The following DOCK7 variants were observed in gnomAD, a reference collection of about 807,000 sequenced individuals.
DOCK7 encodes the protein dedicator of cytokinesis protein 7.
DOCK7 carries 138 observed loss-of-function variants against 271.0 expected under a neutral mutation model. The observed-to-expected ratio is 0.51, with a 90% CI of 0.44 to 0.59. The LOEUF (loss-of-function observed/expected upper bound fraction) is 0.59, where lower values mean the gene tolerates loss of function less well. Among genes scored for constraint, DOCK7 ranks in the 20% least tolerant of loss-of-function variants. DOCK7 has a pLI of 0.00. For missense variants in DOCK7, 2,066 were observed against 2,592.4 expected (o/e 0.80, Z 4.41); for synonymous variants, 823 against 876.1 (o/e 0.94, Z 1.07).
intron 25 of DOCK7, among the ~76,000 whole-genome samples, chr1:62,540,805 T>C (rs1370582497): frequency 1.3e-5 from 2 of 152,176 alleles, no homozygotes; most frequent in South Asian, 4.1e-4. Flanking sequence ...GACTATTTTG[T>C]ATTTTAGAAA....
At chr1:62,685,469 TTC>T (rs1302694344) in intron 1 of DOCK7, among the ~76,000 whole-genome samples, 29 of 152,144 alleles carry the variant, frequency 1.9e-4, no homozygotes, top group African/African-American at 6.8e-4. Context: ...CTCATAGCAG[TTC>T]TGTCTTTGGT....
chr1:62,496,388 G>A lies in DOCK7; in HGVS notation c.4874C>T (p.Thr1625Ile). Residue 1625 changes from threonine (T) to isoleucine (I), a missense_variant, in exon 38 of 50, where the codon ACA (threonine) becomes ATA (isoleucine). Thr to Ile is a moderately conservative substitution (Grantham distance 89). This residue lies in a region of DOCK7 where 652 missense variants were observed against 922.1 expected (regional missense o/e 0.71). Transcript: ENST00000635253. ...CAATTCCAGATCTTCTTCAGCATAT[G>A]TCAATATAGTCTTTAGAGAACGTCT... The part of the protein sequence containing the change: ...FLRRSLKTIL[T>I]YAEEDLELRE... 6.2e-7 allele frequency: 1 copy of A among 1,613,600 alleles called. No homozygotes were observed. The highest frequency in any genetic ancestry group is 8.5e-7 in the Non-Finnish European group (1 of 1,179,694).
chr1:62,492,553 G>A (rs1646497762), intron 41 of DOCK7, 151 bp downstream of exon 41: 1 of 853,828 alleles, frequency 1.2e-6, no homozygotes, highest in Non-Finnish European at 1.8e-6. Flanking sequence ...CTCTCAAAGT[G>A]CTGAGATTAC....
At chr1:62,686,564 A>G (rs1324860977) in intron 1 of DOCK7, among the ~76,000 whole-genome samples, 2 of 152,186 alleles carry the variant, frequency 1.3e-5, no homozygotes, top group African/African-American at 2.4e-5. Context: ...ATTTCCTGTC[A>G]TCATAACTCC....
intron 31 of DOCK7, among the ~76,000 whole-genome samples, chr1:62,515,546 A>G (rs1259679746): frequency 6.6e-6 from 1 of 152,240 alleles, no homozygotes. Flanking sequence ...ATATGCTGAC[A>G]TCTCTTATAT....
intron 14 of DOCK7, among the ~76,000 whole-genome samples, chr1:62,597,289 C>T (rs1428826692): frequency 6.6e-6 from 1 of 152,146 alleles, no homozygotes; most frequent in Non-Finnish European, 1.5e-5. Flanking sequence ...GTCACCATAG[C>T]ATTGAATGTG....
intron 13 of DOCK7, 88 bp downstream of exon 13, chr1:62,619,812 T>TG (rs1553186599): frequency 4.8e-6 from 3 of 621,746 alleles, no homozygotes; most frequent in Non-Finnish European, 7.7e-6. Context: ...GCCAGATAAA[T>TG]AAAAAAAAAA....
chr1:62,551,588 T>C (rs975151291), intron 22 of DOCK7, among the ~76,000 whole-genome samples: 1 of 152,068 alleles, frequency 6.6e-6, no homozygotes, highest in Non-Finnish European at 1.5e-5. Context: ...TAGCTATAAA[T>C]AAACTTTAGA....
rs538612922 is a variant in DOCK7, at chr1:62,688,376, G to C, written c.-112C>G. ...TCCCTCGCGGCCTCCGCCAGTCCGG[G>C]CTCCGGACCTGGGAGGCTGGGGCTG... On this transcript the variant is annotated 5_prime_UTR_variant, in exon 1 of 50. Transcript: ENST00000635253. 1 of 645,776 alleles carries C rather than the reference G, an allele frequency of 1.5e-6. No homozygotes were observed. Among genetic ancestry groups the C allele is most frequent in the East Asian group, 5.1e-5 (1 of 19,610 alleles). 40.0% of individuals were successfully genotyped at this position (645,776 alleles called of 1,614,324 possible).
intron 11 of DOCK7, among the ~76,000 whole-genome samples, chr1:62,630,826 AG>A (rs1392905815): frequency 6.6e-6 from 1 of 152,202 alleles, no homozygotes; most frequent in Non-Finnish European, 1.5e-5. Flanking sequence ...GCAAAAAAAA[AG>A]AAAAAAGAAA....
chr1:62,583,152 G>A lies in DOCK7; in HGVS notation c.1871+32C>T, dbSNP rs1347507342. On this transcript the variant is annotated intron_variant, in intron 16 of 49. Transcript: ENST00000635253. ...TGCTAACAATGCCACTGAGAAGTGA[G>A]TAACTTTGAAAGAAATATTTGAATT... 3.2e-6 allele frequency: 5 copies of A among 1,557,472 alleles called. No homozygotes were observed. In the East Asian group the frequency reaches 1.1e-4, roughly 35 times the overall value.
intron 14 of DOCK7, among the ~76,000 whole-genome samples, chr1:62,596,263 T>C (rs1649231969): frequency 6.6e-6 from 1 of 151,960 alleles, no homozygotes; most frequent in Admixed American, 6.6e-5. Context: ...CATGGGGAGG[T>C]TAAGTAACTT....
chr1:62,597,707 C>T (rs1649471973), intron 14 of DOCK7: 1 of 1,613,416 alleles, frequency 6.2e-7, no homozygotes, highest in Non-Finnish European at 8.5e-7. Context: ...AAATTTTAGC[C>T]AATGGCCTCC....
chr1:62,461,851 C>G (rs1050471178), intron 48 of DOCK7, among the ~76,000 whole-genome samples: 1 of 150,862 alleles, frequency 6.6e-6, no homozygotes, highest in Non-Finnish European at 1.5e-5. Flanking sequence ...GCGGGCGGAT[C>G]ACCTGAGGTC....
intron 16 of DOCK7, 35 bp downstream of exon 16, chr1:62,583,149 T>C (rs540976606): frequency 3.9e-6 from 6 of 1,538,162 alleles, no homozygotes; most frequent in Non-Finnish European, 5.4e-6. Flanking sequence ...CACTGAGAAG[T>C]GAGTAACTTT....
chr1:62,585,108 T>C (rs1175890497), intron 15 of DOCK7, among the ~76,000 whole-genome samples: 1 of 152,120 alleles, frequency 6.6e-6, no homozygotes, highest in Non-Finnish European at 1.5e-5. Flanking sequence ...GAAATGTGAA[T>C]TCCAAATCTC....
Position 62,618,785 on chromosome 1 carries a change from G to A in DOCK7, c.1603C>T (p.Pro535Ser), listed in dbSNP as rs767465304. 3 of 1,613,586 alleles carry A rather than the reference G, an allele frequency of 1.9e-6. No homozygotes were observed. Among genetic ancestry groups the A allele is most frequent in the Non-Finnish European group, 1.7e-6 (2 of 1,179,550 alleles). ...TPELLQVKLY[P>S]DSRVRPTREI... Reference sequence around the variant, plus strand: ...CTGGTAGGTCTAACTCTACTGTCAGGGTAAAGCTTCACTTGAAGCAGCTCC... The same window carrying A: ...CTGGTAGGTCTAACTCTACTGTCAGAGTAAAGCTTCACTTGAAGCAGCTCC... The change falls in exon 14 of 50, where the codon CCT (proline) becomes TCT (serine). Residue 535 changes from proline to serine, a missense_variant. Transcript: ENST00000635253.
chr1:62,500,523 G>T (rs1646750956), intron 37 of DOCK7, among the ~76,000 whole-genome samples: 1 of 152,062 alleles, frequency 6.6e-6, no homozygotes, highest in South Asian at 2.1e-4. Context: ...AAAATTTTCT[G>T]AAATAAATGA....
At chr1:62,533,791 C>T (rs975119575) in intron 29 of DOCK7, among the ~76,000 whole-genome samples, 1 of 152,188 alleles carries the variant, frequency 6.6e-6, no homozygotes, top group African/African-American at 2.4e-5. Context: ...CATACCTCCT[C>T]TTTTATTCAT....
Sources: gnomAD v4.1 joint callset for allele counts (sites outside exome capture counted in the v4.1 genomes callset) on GRCh38, gnomAD v4.1.1 for gene constraint, gnomAD v4.1.1 regional missense constraint, MANE v1.5 for transcripts, NCBI Gene and HGNC (gene_info 2026-07-23, HGNC 2026-07-21) for gene names.